The following CNTNAP2 variants were observed in gnomAD, a reference collection of about 807,000 sequenced individuals.
CNTNAP2 encodes contactin-associated protein-like 2.
In CNTNAP2, 98 loss-of-function variants were observed where a neutral mutation model predicts 155.2. That is an observed-to-expected ratio of 0.63 (90% CI 0.54 to 0.75). The LOEUF is 0.75. Among genes scored for constraint, CNTNAP2 ranks in the 30% least tolerant of loss-of-function variants. The probability of loss-of-function intolerance (pLI) is 0.00; values close to 1 mark genes in which losing one functional copy is unlikely to be tolerated. For missense variants in CNTNAP2, 1,727 were observed against 1,688.1 expected (o/e 1.02, Z -0.40); for synonymous variants, 651 against 631.2 (o/e 1.03, Z -0.47).
chr7:148,140,059 C>A (rs1333231483), intron 16 of CNTNAP2, among the ~76,000 whole-genome samples: 1 of 152,158 alleles, frequency 6.6e-6, no homozygotes, highest in Non-Finnish European at 1.5e-5. Flanking sequence ...ACTCATGCTG[C>A]ATTATGGGTG....
intron 1 of CNTNAP2, among the ~76,000 whole-genome samples, chr7:146,684,448 A>G (rs1800558781): frequency 6.6e-6 from 1 of 152,072 alleles, no homozygotes; most frequent in African/African-American, 2.4e-5. Context: ...AGAACCAGAT[A>G]TTCTTGAATT....
At chr7:147,532,186 C>G (rs1799451881) in intron 11 of CNTNAP2, among the ~76,000 whole-genome samples, 1 of 152,100 alleles carries the variant, frequency 6.6e-6, no homozygotes, top group African/African-American at 2.4e-5. Flanking sequence ...AAACTGAATG[C>G]CTTTAACAGT....
At chr7:147,244,211 C>T (rs1258717977) in intron 8 of CNTNAP2, among the ~76,000 whole-genome samples, 1 of 152,182 alleles carries the variant, frequency 6.6e-6, no homozygotes. Flanking sequence ...CTGATACACA[C>T]AGGAACCCAA....
At chr7:146,967,004 C>T (rs961743448) in intron 3 of CNTNAP2, among the ~76,000 whole-genome samples, 5 of 152,054 alleles carry the variant, frequency 3.3e-5, no homozygotes, top group Non-Finnish European at 5.9e-5. Flanking sequence ...GTACATGAAA[C>T]GGTGCACAGT....
chr7:147,933,529 ATAGATAGATAGATAT>A (rs1203353968), intron 14 of CNTNAP2, among the ~76,000 whole-genome samples: 63 of 152,096 alleles, frequency 4.1e-4, no homozygotes, highest in Admixed American at 1.4e-3. Context: ...AGATAGATAG[ATAGATAGATAGATAT>A]AACAGAATAT....
At chr7:146,628,108 C>CT (rs1458369989) in intron 1 of CNTNAP2, among the ~76,000 whole-genome samples, 1 of 152,050 alleles carries the variant, frequency 6.6e-6, no homozygotes, top group Non-Finnish European at 1.5e-5. Context: ...TATGGGATAT[C>CT]TTTTTCCACT....
intron 3 of CNTNAP2, among the ~76,000 whole-genome samples, chr7:147,030,800 C>CTTGA (rs1799016584): frequency 6.6e-6 from 1 of 152,176 alleles, no homozygotes; most frequent in Admixed American, 6.5e-5. Flanking sequence ...GGGAGGATTG[C>CTTGA]TTGAGCCCAG....
chr7:147,976,723 C>T (rs1315741831), intron 14 of CNTNAP2, among the ~76,000 whole-genome samples: 3 of 152,114 alleles, frequency 2.0e-5, no homozygotes, highest in Non-Finnish European at 2.9e-5. Context: ...CACTGCATAG[C>T]ATTTTCAAGA....
intron 13 of CNTNAP2, among the ~76,000 whole-genome samples, chr7:147,684,364 A>C (rs1390959959): frequency 6.6e-6 from 1 of 151,888 alleles, no homozygotes; most frequent in Non-Finnish European, 1.5e-5. Context: ...TTCTACCCCC[A>C]AAATTATTAA....
intron 3 of CNTNAP2, among the ~76,000 whole-genome samples, chr7:146,998,408 T>C (rs957958046): frequency 2.0e-5 from 3 of 152,034 alleles, no homozygotes; most frequent in Non-Finnish European, 4.4e-5. Flanking sequence ...GATATGACTT[T>C]AATCTTAAAC....
At chr7:148,356,354 A>T (rs745636048) in intron 21 of CNTNAP2, among the ~76,000 whole-genome samples, 1 of 152,236 alleles carries the variant, frequency 6.6e-6, no homozygotes, top group African/African-American at 2.4e-5. Context: ...GAAGGGTGTT[A>T]TATAAAAAAT....
At chr7:148,215,701 T>C (rs1313478751) in intron 18 of CNTNAP2, among the ~76,000 whole-genome samples, 1 of 152,140 alleles carries the variant, frequency 6.6e-6, no homozygotes, top group African/African-American at 2.4e-5. Context: ...CTGTGTATTA[T>C]ATAGTTTACT....
At chr7:146,325,420 G>C (rs2129093551) in intron 1 of CNTNAP2, among the ~76,000 whole-genome samples, 1 of 152,198 alleles carries the variant, frequency 6.6e-6, no homozygotes. Flanking sequence ...TTTGCATATA[G>C]GTATTTCTCC....
chr7:147,178,050 G>GC (rs898001773), intron 8 of CNTNAP2, among the ~76,000 whole-genome samples: 29 of 151,770 alleles, frequency 1.9e-4, no homozygotes, highest in East Asian at 5.8e-4. Context: ...TGCCCCATCC[G>GC]CCCCCCCACC....
chr7:147,081,561 C>G (rs947681376), intron 4 of CNTNAP2: 1 of 151,192 alleles, frequency 6.6e-6, no homozygotes, highest in Non-Finnish European at 1.5e-5. Flanking sequence ...GGACTACAGG[C>G]GCACCACCAC....
chr7:146,249,348 T>C (rs1799720507), intron 1 of CNTNAP2, among the ~76,000 whole-genome samples: 1 of 152,186 alleles, frequency 6.6e-6, no homozygotes, highest in South Asian at 2.1e-4. Flanking sequence ...GCTCCATTGC[T>C]AAAAAAATTC....
intron 23 of CNTNAP2, among the ~76,000 whole-genome samples, chr7:148,410,778 G>A (rs915719625): frequency 6.6e-6 from 1 of 152,114 alleles, no homozygotes; most frequent in Non-Finnish European, 1.5e-5. Context: ...CAGAGATTGG[G>A]AAAGTTGAGC....
At chr7:147,357,638 G>T (rs10500179) in intron 9 of CNTNAP2, among the ~76,000 whole-genome samples, 42,642 of 151,872 alleles carry the variant, frequency 0.28, 6,270 homozygotes, top group African/African-American at 0.34. Flanking sequence ...CCTATCCCAC[G>T]TGTGACTTAC....
intron 21 of CNTNAP2, among the ~76,000 whole-genome samples, chr7:148,295,068 C>T (rs1797257002): frequency 6.6e-6 from 1 of 152,154 alleles, no homozygotes; most frequent in Admixed American, 6.6e-5. Flanking sequence ...ACACCCAGCA[C>T]TTAAAAATTT....
Sources: gnomAD v4.1 joint callset for allele counts (sites outside exome capture counted in the v4.1 genomes callset) on GRCh38, gnomAD v4.1.1 for gene constraint, MANE v1.5 for transcripts, NCBI Gene and HGNC (gene_info 2026-07-23, HGNC 2026-07-21) for gene names.